The following GALNT6 variants were observed in gnomAD, a reference collection of about 807,000 sequenced individuals.
GALNT6 encodes the protein polypeptide N-acetylgalactosaminyltransferase 6.
GALNT6 carries 51 observed loss-of-function variants against 65.9 expected under a neutral mutation model. The ratio of observed to expected loss-of-function variants is 0.77; its 90% CI spans 0.62 to 0.98. GALNT6 has a LOEUF of 0.98. Ranked by LOEUF, GALNT6 falls within the 50% of genes least tolerant of loss-of-function variation. The probability of loss-of-function intolerance (pLI) is 0.00; values close to 1 mark genes in which losing one functional copy is unlikely to be tolerated. For synonymous variants in GALNT6, 323 were observed against 315.1 expected, an observed-to-expected ratio of 1.02 and a Z score of -0.26; for missense variants, 708 against 803.3, an observed-to-expected ratio of 0.88 and a Z score of 1.43.
At chr12:51,357,737 G>A (rs10783432) in intron 9 of GALNT6, among the ~76,000 whole-genome samples, 41,375 of 151,958 alleles carry the variant, frequency 0.27, 5,856 homozygotes, top group African/African-American at 0.33. Flanking sequence ...CTCAGCACGT[G>A]GGAGTTTCCT....
Position 51,355,831 on chromosome 12 carries a change from T to C in GALNT6, c.1730A>G (p.Lys577Arg). Reference protein sequence around the residue: ...HFTGKNSQVPKDEEWELAQDQ... With the variant: ...HFTGKNSQVPRDEEWELAQDQ... The stretch of plus-strand genomic sequence containing the variant: ...CTGGGCCAATTCCCATTCCTCGTCC[T>C]TGGGGACCTGGCTATTCTTGCCAGT... Residue 577 changes from lysine (K) to arginine (R), a missense_variant, in exon 11 of 12, where the codon AAG becomes AGG. Physicochemically the swap from Lys to Arg is conservative, Grantham distance 26. Coordinates refer to ENST00000356317, the MANE Select transcript of GALNT6 (RefSeq NM_007210.4). 1 of 1,613,736 alleles carries C rather than the reference T, an allele frequency of 6.2e-7. No individual in the cohort carries two copies. Among genetic ancestry groups the C allele is most frequent in the Non-Finnish European group, 8.5e-7 (1 of 1,179,792 alleles).
In GALNT6 at chr12:51,377,307, C is replaced by T; in HGVS notation, c.552G>A (p.Val184=). ...GTGTGGACCAGGCTTCGTTGTGGAA[C>T]ACAATGATCACGCTGGTGGTGGCCA... is the stretch of plus-strand genomic sequence containing the variant. ...PPLATTSVII[V]FHNEAWSTLL... The change falls in exon 4 of 12, where the codon GTG becomes GTA. Residue 184 remains valine, a synonymous_variant. Coordinates refer to ENST00000356317, the MANE Select transcript of GALNT6 (RefSeq NM_007210.4). The T allele has an allele frequency of 6.2e-7, 1 of 1,613,442 alleles. No homozygotes were observed. Among genetic ancestry groups the T allele is most frequent in the Non-Finnish European group, 8.5e-7 (1 of 1,180,018 alleles).
At chr12:51,359,035 T>C in intron 8 of GALNT6, 97 bp downstream of exon 8, 2 of 930,256 alleles carry the variant, frequency 2.1e-6, no homozygotes, top group Non-Finnish European at 3.4e-6. Context: ...CGCCAGATGG[T>C]AGAGATGAGG....
At chr12:51,357,282 C>T in intron 10 of GALNT6, 67 bp downstream of exon 10, 3 of 1,033,222 alleles carry the variant, frequency 2.9e-6, no homozygotes, top group Non-Finnish European at 4.6e-6. Flanking sequence ...CAGGAAAGGA[C>T]TCTTTAGGGT....
intron 4 of GALNT6, among the ~76,000 whole-genome samples, chr12:51,370,265 C>G (rs1048540843): frequency 2.0e-5 from 3 of 152,324 alleles, no homozygotes; most frequent in African/African-American, 7.2e-5. Context: ...AAATTCTGGG[C>G]CGGGTTTGGT....
At chr12:51,366,711 T>C (rs1430673161) in intron 4 of GALNT6, among the ~76,000 whole-genome samples, 1 of 152,110 alleles carries the variant, frequency 6.6e-6, no homozygotes, top group African/African-American at 2.4e-5. Context: ...ATCTCCTGGA[T>C]TTGAGGAGCG....
At chr12:51,364,439 G>A (rs898469007) in intron 5 of GALNT6, 84 bp from the exon 6 acceptor site, 1 of 914,734 alleles carries the variant, frequency 1.1e-6, no homozygotes, top group African/African-American at 1.7e-5. Flanking sequence ...TGCCCAGGAG[G>A]ATAAGAGACA....
intron 4 of GALNT6, among the ~76,000 whole-genome samples, chr12:51,369,723 C>T (rs946321954): frequency 3.9e-5 from 6 of 152,186 alleles, no homozygotes; most frequent in Admixed American, 1.3e-4. Context: ...GTCTCCCTCA[C>T]GTCAGTACAC....
chr12:51,378,855 C>G (rs1245192525), intron 3 of GALNT6, among the ~76,000 whole-genome samples: 1 of 150,228 alleles, frequency 6.7e-6, no homozygotes, highest in African/African-American at 2.4e-5. Context: ...TATTCCTAAC[C>G]ACCAGGGTTG....
intron 6 of GALNT6, 44 bp from the exon 7 acceptor site, chr12:51,360,882 AGGAGC>A (rs771208562): frequency 6.7e-6 from 9 of 1,352,454 alleles, no homozygotes; most frequent in Non-Finnish European, 9.5e-6. Context: ...CTGGGAGAGG[AGGAGC>A]GGAGCCTGGC....
At chr12:51,366,541 C>T (rs1947113694) in intron 4 of GALNT6, among the ~76,000 whole-genome samples, 1 of 152,206 alleles carries the variant, frequency 6.6e-6, no homozygotes, top group Non-Finnish European at 1.5e-5. Context: ...AAGCACCTAC[C>T]ACGGACCAGG....
chr12:51,372,512 G>A (rs1947322969), intron 4 of GALNT6, among the ~76,000 whole-genome samples: 1 of 152,178 alleles, frequency 6.6e-6, no homozygotes, highest in African/African-American at 2.4e-5. Flanking sequence ...TCCTGACCAT[G>A]CAGATGATTT....
chr12:51,353,013 A>T lies in GALNT6; in HGVS notation c.*1366T>A, dbSNP rs1946652023. 1 of 152,244 alleles carries T rather than the reference A, an allele frequency of 6.6e-6. No individual in the cohort carries two copies. Among genetic ancestry groups the T allele is most frequent in the African/African-American group, 2.4e-5 (1 of 41,422 alleles). The allele number at this position is 152,244 out of a possible 1,614,324, so 9.4% of individuals were successfully genotyped here. A position where few individuals can be genotyped will look rare whatever the true frequency, so the allele number is the denominator to read the frequency against. On this transcript the variant is annotated 3_prime_UTR_variant, in exon 12 of 12. Coordinates refer to ENST00000356317, the MANE Select transcript of GALNT6 (RefSeq NM_007210.4). ...GCTCTGTGGAGGCCAGCCAGCTAGA[A>T]ATGATTAGAATGGAGGAAGAGGGAA...
chr12:51,362,169 G>A (rs1946944082), intron 6 of GALNT6, among the ~76,000 whole-genome samples: 1 of 152,156 alleles, frequency 6.6e-6, no homozygotes. Context: ...GGAGCACTTG[G>A]AAGCCAACCT....
rs1055383309 is a variant in GALNT6, at chr12:51,372,334, G to A, written c.664+4861C>T. On this transcript the variant is annotated intron_variant, in intron 4 of 11. Transcript: ENST00000356317. ...GGTGACCCTCCCACCTCAGCCTCTC[G>A]AGTAGCTGGGACTACAGGCACATAC... Among the ~76,000 whole-genome samples, 7 of 152,050 alleles carry A rather than the reference G, an allele frequency of 4.6e-5. No individual in the cohort carries two copies. In the South Asian group the frequency reaches 1.5e-3, roughly 32 times the overall value.
At chr12:51,389,193 T>C (rs1947934450) in intron 2 of GALNT6, among the ~76,000 whole-genome samples, 1 of 152,094 alleles carries the variant, frequency 6.6e-6, no homozygotes. Context: ...AAGAGCTGAG[T>C]TCACCCAAGC....
intron 2 of GALNT6, among the ~76,000 whole-genome samples, chr12:51,388,941 G>A (rs1947926143): frequency 6.6e-6 from 1 of 152,312 alleles, no homozygotes; most frequent in Admixed American, 6.5e-5. Flanking sequence ...GAGAGAATAA[G>A]CTGACCCCAC....
intron 2 of GALNT6, among the ~76,000 whole-genome samples, chr12:51,390,561 G>T (rs1416276232): frequency 6.6e-6 from 1 of 152,220 alleles, no homozygotes; most frequent in African/African-American, 2.4e-5. Flanking sequence ...TTGATGGGAA[G>T]GGAGACAGCT....
chr12:51,379,899 G>T lies in GALNT6; in HGVS notation c.-103-15C>A. Reference sequence around the variant, plus strand: ...GGGGCCTCAGCCTGAGAAAGGAGGGGACAAGAGAGAGAAGTGAGCCAACAC... The same window carrying T: ...GGGGCCTCAGCCTGAGAAAGGAGGGTACAAGAGAGAGAAGTGAGCCAACAC... On this transcript the variant is annotated splice_polypyrimidine_tract_variant and intron_variant, in intron 2 of 11. Coordinates refer to ENST00000356317, the MANE Select transcript of GALNT6 (RefSeq NM_007210.4). 1.9e-6 allele frequency: 2 copies of T among 1,080,462 alleles called. No homozygotes were observed. The highest frequency in any genetic ancestry group is 1.3e-6 in the Non-Finnish European group (1 of 772,620). The allele number at this position is 1,080,462 out of a possible 1,614,324, so 66.9% of individuals were successfully genotyped here.
Sources: gnomAD v4.1 joint callset for allele counts (sites outside exome capture counted in the v4.1 genomes callset) on GRCh38, gnomAD v4.1.1 for gene constraint, MANE v1.5 for transcripts, NCBI Gene and HGNC (gene_info 2026-07-23, HGNC 2026-07-21) for gene names.